Variants in ADAMTSL1 observed in about 807,000 individuals in gnomAD.
ADAMTSL1 encodes the protein ADAMTS-like protein 1.
In ADAMTSL1, 126 loss-of-function variants were observed where a neutral mutation model predicts 201.8. That is an observed-to-expected ratio of 0.62 (90% CI 0.54 to 0.72). The LOEUF is 0.72. Among genes scored for constraint, ADAMTSL1 ranks in the 30% least tolerant of loss-of-function variants. The probability of loss-of-function intolerance (pLI) is 0.00; values close to 1 mark genes in which losing one functional copy is unlikely to be tolerated. For synonymous variants in ADAMTSL1, 1,121 were observed against 903.4 expected, an observed-to-expected ratio of 1.24 and a Z score of -4.32; for missense variants, 2,679 against 2,277.8, an observed-to-expected ratio of 1.18 and a Z score of -3.59.
At chr9:18,087,999 C>G (rs933053223) in intron 1 of ADAMTSL1, among the ~76,000 whole-genome samples, 1 of 152,010 alleles carries the variant, frequency 6.6e-6, no homozygotes, top group Non-Finnish European at 1.5e-5. Flanking sequence ...TTCATGATCT[C>G]AAGATATATT....
chr9:18,642,969 G>A (rs1335726095), intron 7 of ADAMTSL1, among the ~76,000 whole-genome samples: 1 of 151,864 alleles, frequency 6.6e-6, no homozygotes, highest in African/African-American at 2.4e-5. Flanking sequence ...TGGATCATAT[G>A]GTAGTTCTGT....
At chr9:18,867,267 A>C (rs909036940) in intron 23 of ADAMTSL1, among the ~76,000 whole-genome samples, 1 of 152,270 alleles carries the variant, frequency 6.6e-6, no homozygotes, top group African/African-American at 2.4e-5. Flanking sequence ...TGAACCTACC[A>C]GCAGGAATTT....
intron 3 of ADAMTSL1, among the ~76,000 whole-genome samples, chr9:18,562,980 G>A (rs1369785094): frequency 2.0e-5 from 3 of 152,068 alleles, no homozygotes; most frequent in Non-Finnish European, 2.9e-5. Flanking sequence ...TAGCTCAGAG[G>A]AGTTTGTTAT....
At chr9:18,551,281 T>C (rs1820783861) in intron 3 of ADAMTSL1, among the ~76,000 whole-genome samples, 1 of 151,932 alleles carries the variant, frequency 6.6e-6, no homozygotes, top group Non-Finnish European at 1.5e-5. Context: ...AACTTGCTCA[T>C]AATATATTAT....
At chr9:18,254,951 C>G (rs1473260018) in intron 2 of ADAMTSL1, among the ~76,000 whole-genome samples, 4 of 152,080 alleles carry the variant, frequency 2.6e-5, no homozygotes, top group Non-Finnish European at 5.9e-5. Context: ...TTTTCCAAAG[C>G]CAGCTCACCT....
chr9:18,344,938 G>A (rs1041500791), intron 2 of ADAMTSL1, among the ~76,000 whole-genome samples: 5 of 152,120 alleles, frequency 3.3e-5, no homozygotes, highest in South Asian at 2.1e-4. Flanking sequence ...AGCTCCCCTC[G>A]GGAGGCCCTC....
intron 2 of ADAMTSL1, among the ~76,000 whole-genome samples, chr9:18,390,251 A>C (rs2133218752): frequency 6.6e-6 from 1 of 152,294 alleles, no homozygotes; most frequent in African/African-American, 2.4e-5. Flanking sequence ...AGAAAAGCAA[A>C]CCATTTCTGT....
chr9:18,795,206 A>G (rs529405412), intron 19 of ADAMTSL1, among the ~76,000 whole-genome samples, 191 bp from the exon 20 acceptor site: 1 of 152,354 alleles, frequency 6.6e-6, no homozygotes, highest in East Asian at 1.9e-4. Flanking sequence ...ATTTGAGATC[A>G]CTACCACAGT....
intron 1 of ADAMTSL1, among the ~76,000 whole-genome samples, chr9:17,915,395 G>C (rs912369114): frequency 6.6e-6 from 1 of 152,040 alleles, no homozygotes; most frequent in Non-Finnish European, 1.5e-5. Context: ...TCAATATCTC[G>C]CTGCTTTTAT....
chr9:18,126,627 A>T (rs1185122620), intron 1 of ADAMTSL1, among the ~76,000 whole-genome samples: 1 of 152,176 alleles, frequency 6.6e-6, no homozygotes, highest in Non-Finnish European at 1.5e-5. Flanking sequence ...CAAAACTACA[A>T]ATATTTAATT....
intron 4 of ADAMTSL1, among the ~76,000 whole-genome samples, chr9:18,595,755 C>G (rs558361773): frequency 6.6e-6 from 1 of 152,352 alleles, no homozygotes; most frequent in Non-Finnish European, 1.5e-5. Context: ...TTTCTGGACC[C>G]CTTGGCAGAT....
At chr9:17,953,333 C>T (rs1341097292) in intron 1 of ADAMTSL1, among the ~76,000 whole-genome samples, 7 of 152,146 alleles carry the variant, frequency 4.6e-5, no homozygotes, top group East Asian at 1.9e-4. Flanking sequence ...ATTGGCAGAA[C>T]GTTGGGAGAT....
chr9:18,110,069 G>A (rs1013108244), intron 1 of ADAMTSL1, among the ~76,000 whole-genome samples: 1 of 152,180 alleles, frequency 6.6e-6, no homozygotes, highest in African/African-American at 2.4e-5. Context: ...AAGGGCCCTA[G>A]CTTCTAGATG....
chr9:18,539,663 C>A (rs1351058053), intron 3 of ADAMTSL1, among the ~76,000 whole-genome samples: 1 of 152,122 alleles, frequency 6.6e-6, no homozygotes, highest in African/African-American at 2.4e-5. Flanking sequence ...GTGAGAAAAA[C>A]AACATGGAAT....
Position 18,888,189 on chromosome 9 carries a change from G to C in ADAMTSL1, c.4462+146G>C, listed in dbSNP as rs544991631. 11 of 831,598 alleles carry C rather than the reference G, an allele frequency of 1.3e-5. No individual in the cohort carries two copies. In the East Asian group the frequency reaches 2.7e-4, roughly 20 times the overall value. 51.5% of individuals were successfully genotyped at this position (831,598 alleles called of 1,614,324 possible). A position where few individuals can be genotyped will look rare whatever the true frequency, so the allele number is the denominator to read the frequency against. Reference sequence around the variant, plus strand: ...AAGCCATGCCATGTTTCCATACAGTGAGACCCTACTTCTGTCAACATGGCC... The same window carrying C: ...AAGCCATGCCATGTTTCCATACAGTCAGACCCTACTTCTGTCAACATGGCC... On this transcript the variant is annotated intron_variant, in intron 24 of 28. Transcript: ENST00000380548.
At chr9:18,747,511 G>C (rs1448671290) in intron 15 of ADAMTSL1, among the ~76,000 whole-genome samples, 1 of 151,922 alleles carries the variant, frequency 6.6e-6, no homozygotes, top group South Asian at 2.1e-4. Context: ...TGGCATTGAG[G>C]AATACCCAGC....
intron 1 of ADAMTSL1, among the ~76,000 whole-genome samples, chr9:18,100,829 T>C (rs1824481922): frequency 6.6e-6 from 1 of 152,216 alleles, no homozygotes; most frequent in African/African-American, 2.4e-5. Context: ...CAGCTTCTGT[T>C]CTGAAATTGA....
chr9:18,547,000 A>C (rs1364093260), intron 3 of ADAMTSL1, among the ~76,000 whole-genome samples: 1 of 152,204 alleles, frequency 6.6e-6, no homozygotes, highest in African/African-American at 2.4e-5. Flanking sequence ...GAAATTCTCC[A>C]ATAAATGTCT....
chr9:18,077,955 TG>T (rs1823307741), intron 1 of ADAMTSL1, among the ~76,000 whole-genome samples: 2 of 152,248 alleles, frequency 1.3e-5, no homozygotes, highest in Middle Eastern at 3.4e-3. Flanking sequence ...TTGGCCTTTC[TG>T]GGGTCTCAAC....
Sources: allele counts gnomAD v4.1 joint callset (sites outside exome capture counted in the v4.1 genomes callset), GRCh38; gene constraint gnomAD v4.1.1; transcripts MANE v1.5; gene names NCBI Gene and HGNC (gene_info 2026-07-23, HGNC 2026-07-21).